The following KIAA0232 variants were observed in gnomAD, a reference collection of about 807,000 sequenced individuals.
KIAA0232 encodes KIAA0232.
KIAA0232 carries 27 observed loss-of-function variants against 122.0 expected under a neutral mutation model. That is an observed-to-expected ratio of 0.22 (90% CI 0.16 to 0.31). KIAA0232 has a LOEUF of 0.31. KIAA0232 is among the 10% of genes least tolerant of loss of function. The pLI is 1.00. For synonymous variants in KIAA0232, 613 were observed against 587.6 expected, an observed-to-expected ratio of 1.04 and a Z score of -0.63; for missense variants, 1,551 against 1,634.2, an observed-to-expected ratio of 0.95 and a Z score of 0.88.
chr4:6,854,508 A>G (rs1410283251), intron 4 of KIAA0232, among the ~76,000 whole-genome samples: 1 of 152,252 alleles, frequency 6.6e-6, no homozygotes, highest in Non-Finnish European at 1.5e-5. Flanking sequence ...GAGCCAGTGC[A>G]TGGTAAACTA....
At chr4:6,853,460 AG>A (rs1720402609) in intron 4 of KIAA0232, among the ~76,000 whole-genome samples, 1 of 152,238 alleles carries the variant, frequency 6.6e-6, no homozygotes, top group Non-Finnish European at 1.5e-5. Context: ...AGGCTTTGAT[AG>A]GTAAATGATT....
In KIAA0232 at chr4:6,861,534, A is replaced by C. The variant is rs1322068360; in HGVS notation, c.1152A>C (p.Lys384Asn). The C allele has an allele frequency of 1.2e-6, 2 of 1,614,112 alleles. No individual in the cohort carries two copies. The highest frequency in any genetic ancestry group is 2.2e-5 in the South Asian group (2 of 91,082). The change falls in exon 7 of 10, where the codon AAA (lysine) becomes AAC (asparagine). Residue 384 changes from lysine to asparagine, a missense_variant. Coordinates refer to ENST00000307659, the MANE Select transcript of KIAA0232 (RefSeq NM_014743.3). ...AAGATCCTGGGAGCACTGAAGGAAA[A>C]GACCTGTACATGGAGAATAGAAAGG... is the stretch of plus-strand genomic sequence containing the variant. ...GRKDPGSTEGKDLYMENRKDT... is the reference protein window; with the variant it reads ...GRKDPGSTEGNDLYMENRKDT...
At position 6,857,247 on chromosome 4, in the gene KIAA0232, T is replaced by G; in HGVS notation, c.436+17T>G. On this transcript the variant is annotated intron_variant, in intron 5 of 9. Transcript: ENST00000307659. ...GTAAGCAAGGTGAGGTCAAAAGCAC[T>G]GTGCGCACACATGCCAGGATTACAT... 1 of 1,607,010 alleles carries G rather than the reference T, an allele frequency of 6.2e-7. No homozygotes were observed. The highest frequency in any genetic ancestry group is 8.5e-7 in the Non-Finnish European group (1 of 1,175,228).
chr4:6,840,234 C>G (rs2109126903), intron 3 of KIAA0232, among the ~76,000 whole-genome samples: 1 of 152,264 alleles, frequency 6.6e-6, no homozygotes, highest in East Asian at 1.9e-4. Flanking sequence ...CTTCTGGGAT[C>G]ATATTCTCAC....
chr4:6,869,902 C>A (rs1721380753), intron 7 of KIAA0232, among the ~76,000 whole-genome samples: 1 of 152,188 alleles, frequency 6.6e-6, no homozygotes. Flanking sequence ...TCTTTTAAAA[C>A]AATGAAGATG....
Position 6,844,986 on chromosome 4 carries a change from G to A in KIAA0232, c.369+2782G>A, listed in dbSNP as rs187892656. Among the ~76,000 whole-genome samples, 75 of 152,276 alleles carry A rather than the reference G, an allele frequency of 4.9e-4. No homozygotes were observed. The East Asian group carries it at 0.013, about 25-fold the overall frequency. On this transcript the variant is annotated intron_variant, in intron 4 of 9. Transcript: ENST00000307659. The stretch of plus-strand genomic sequence containing the variant: ...TTATGTGATAGACAAAGTCACTTTC[G>A]GTAACAACCAAGCTACAATCTCTCA...
At chr4:6,787,988 T>C (rs1193345869) in intron 1 of KIAA0232, among the ~76,000 whole-genome samples, 1 of 152,250 alleles carries the variant, frequency 6.6e-6, no homozygotes, top group Admixed American at 6.5e-5. Flanking sequence ...AGATCTTTGC[T>C]ATCTAGCCTC....
intron 6 of KIAA0232, among the ~76,000 whole-genome samples, chr4:6,859,095 C>T (rs1184073426): frequency 1.8e-4 from 18 of 98,840 alleles, no homozygotes; most frequent in Non-Finnish European, 2.8e-4. Context: ...GAGACTCTGT[C>T]TTATTAAAAA....
intron 3 of KIAA0232, 143 bp from the exon 4 acceptor site, chr4:6,841,924 T>G (rs1188006170): frequency 1.1e-6 from 1 of 895,642 alleles, no homozygotes; most frequent in Non-Finnish European, 1.7e-6. Flanking sequence ...GCCAGCTCCC[T>G]TCGTCGCAGA....
intron 4 of KIAA0232, among the ~76,000 whole-genome samples, chr4:6,842,818 A>T: frequency 6.6e-6 from 1 of 152,016 alleles, no homozygotes; most frequent in East Asian, 1.9e-4. Context: ...TGAACTCCTG[A>T]TCTCAGGTGA....
Position 6,855,872 on chromosome 4 carries a change from C to T in KIAA0232, c.370-1292C>T, listed in dbSNP as rs993874670. On this transcript the variant is annotated intron_variant, in intron 4 of 9. Transcript: ENST00000307659. This position sits in a 1 kb window ranked among gnomAD's most constrained non-coding sequence, Gnocchi z 4.3. ...TCCGAAGGAAATGGAATATAATTGC[C>T]GTCCTTGTCACACCTTGAGCATTAT... The T allele has an allele frequency of 1.0e-5, 10 of 985,052 alleles. No individual in the cohort carries two copies. The highest frequency in any genetic ancestry group is 1.1e-4 in the East Asian group (1 of 8,832). 61.0% of individuals were successfully genotyped at this position (985,052 alleles called of 1,614,324 possible).
At chr4:6,802,678 C>T (rs1717438227) in intron 1 of KIAA0232, among the ~76,000 whole-genome samples, 1 of 151,758 alleles carries the variant, frequency 6.6e-6, no homozygotes, top group Admixed American at 6.6e-5. Flanking sequence ...TCACGTCTTC[C>T]CCAAGGACAT....
At chr4:6,813,393 C>T (rs917497451) in intron 2 of KIAA0232, among the ~76,000 whole-genome samples, 10 of 149,178 alleles carry the variant, frequency 6.7e-5, no homozygotes, top group Non-Finnish European at 7.4e-5. Flanking sequence ...GACGGAGTCT[C>T]GCTCTGTTGC....
chr4:6,877,960 A>G (rs889056551), intron 9 of KIAA0232, among the ~76,000 whole-genome samples: 3 of 152,220 alleles, frequency 2.0e-5, no homozygotes, highest in African/African-American at 7.2e-5. Context: ...TAAAGACAAT[A>G]AGGTCATAAT....
rs746251464 is a variant in KIAA0232 at position 6,862,453 on chromosome 4, T to C, written c.2071T>C (p.Trp691Arg). Reference protein sequence around the residue: ...LGKTQSRLLIWTKNSAFEENE... With the variant: ...LGKTQSRLLIRTKNSAFEENE... ...GAAAACACAGTCTAGATTGCTAATA[T>C]GGACCAAAAATAGTGCCTTTGAAGA... The change falls in exon 7 of 10, where the codon TGG becomes CGG. Residue 691 changes from tryptophan to arginine, a missense_variant. Trp to Arg is a moderately radical substitution (Grantham distance 101). Around this residue, in one of 5 missense-constraint regions of KIAA0232, gnomAD observed 1,108 missense variants for 1,154.8 expected, o/e 0.96. Coordinates refer to ENST00000307659, the MANE Select transcript of KIAA0232 (RefSeq NM_014743.3). 1 of 1,614,174 alleles carries C rather than the reference T, an allele frequency of 6.2e-7. No homozygotes were observed. Among genetic ancestry groups the C allele is most frequent in the Non-Finnish European group, 8.5e-7 (1 of 1,180,032 alleles).
intron 1 of KIAA0232, among the ~76,000 whole-genome samples, chr4:6,786,144 C>T (rs1716610020): frequency 6.6e-6 from 1 of 152,142 alleles, no homozygotes; most frequent in South Asian, 2.1e-4. Flanking sequence ...GCCCCCAACA[C>T]CTTGCTCAGG....
chr4:6,850,050 A>G, intron 4 of KIAA0232, among the ~76,000 whole-genome samples: 1 of 152,210 alleles, frequency 6.6e-6, no homozygotes. Flanking sequence ...ATTTTTTAAC[A>G]GGAAGTTTTC....
chr4:6,860,350 G>A (rs1720787306), intron 6 of KIAA0232, among the ~76,000 whole-genome samples: 1 of 152,174 alleles, frequency 6.6e-6, no homozygotes, highest in African/African-American at 2.4e-5. Context: ...GCAGAGCCAG[G>A]ATTTGACCTC....
At position 6,820,669 on chromosome 4, in the gene KIAA0232, G is replaced by GGTAC. The variant is rs1718379377; in HGVS notation, c.-269-3516_-269-3515insGTAC. Among the ~76,000 whole-genome samples the GGTAC allele has an allele frequency of 1.2e-4, 18 of 151,986 alleles. 1 individual carries two copies. The South Asian group carries it at 3.6e-3, about 31-fold the overall frequency. Reference sequence around the variant, plus strand: ...TTAAATAAAAGCTCTACAATGTTTTGTATTATTTTTGTTTAAGCAATTGTC... The same window carrying GGTAC: ...TTAAATAAAAGCTCTACAATGTTTTGGTACTATTATTTTTGTTTAAGCAATTGTC... On this transcript the variant is annotated intron_variant, in intron 2 of 9. Transcript: ENST00000307659.
Sources: gnomAD v4.1 joint callset for allele counts (sites outside exome capture counted in the v4.1 genomes callset) on GRCh38, gnomAD v4.1.1 for gene constraint, gnomAD v4.1.1 regional missense constraint, Gnocchi (gnomAD v3.1) non-coding constraint, MANE v1.5 for transcripts, NCBI Gene and HGNC (gene_info 2026-07-23, HGNC 2026-07-21) for gene names.